Variants in ARHGAP15 observed in about 807,000 individuals in gnomAD.
ARHGAP15 encodes rho GTPase-activating protein 15.
In ARHGAP15, 51 loss-of-function variants were observed where a neutral mutation model predicts 63.7. The ratio of observed to expected loss-of-function variants is 0.80; its 90% confidence interval spans 0.64 to 1.01. The LOEUF (loss-of-function observed/expected upper bound fraction) is 1.01, where lower values mean the gene tolerates loss of function less well. Among genes scored for constraint, ARHGAP15 ranks in the 50% least tolerant of loss-of-function variants. The pLI is 0.00. For synonymous variants in ARHGAP15, 191 were observed against 193.8 expected (o/e 0.99, Z 0.12); for missense variants, 560 against 564.6 (o/e 0.99, Z 0.08).
At chr2:143,326,665 T>C (rs1574279221) in intron 6 of ARHGAP15, among the ~76,000 whole-genome samples, 1 of 152,168 alleles carries the variant, frequency 6.6e-6, no homozygotes, top group African/African-American at 2.4e-5. Flanking sequence ...TATTTCTGAG[T>C]GTATGCATTC....
chr2:143,436,975 C>T lies in ARHGAP15; in HGVS notation c.636C>T (p.Ser212=). 1 of 1,611,326 alleles carries T rather than the reference C, an allele frequency of 6.2e-7. No homozygotes were observed. The highest frequency in any genetic ancestry group is 8.5e-7 in the Non-Finnish European group (1 of 1,179,066). The change falls in exon 8 of 14, where the codon AGC becomes AGT. Residue 212 remains serine, a synonymous_variant. Coordinates refer to ENST00000295095, the MANE Select transcript of ARHGAP15 (RefSeq NM_018460.4). ...LELFKIQRSS[S]TELLSHYDSD... Reference sequence around the variant, plus strand: ...TATTCAAAATCCAAAGATCCTCTAGCACTGAATTGCTAAGTCACTACGACA... The same window carrying T: ...TATTCAAAATCCAAAGATCCTCTAGTACTGAATTGCTAAGTCACTACGACA...
intron 12 of ARHGAP15, among the ~76,000 whole-genome samples, chr2:143,685,043 A>AGGG (rs1376189136): frequency 6.6e-6 from 1 of 152,126 alleles, no homozygotes; most frequent in South Asian, 2.1e-4. Context: ...AATAAAAGTG[A>AGGG]GGGGGGCACT....
chr2:143,514,988 T>A (rs1301256737), intron 9 of ARHGAP15, among the ~76,000 whole-genome samples: 4 of 152,060 alleles, frequency 2.6e-5, no homozygotes, highest in African/African-American at 9.7e-5. Flanking sequence ...CACTGCACAC[T>A]CTATTGGGTG....
chr2:143,339,926 G>A (rs1558905239), intron 6 of ARHGAP15, among the ~76,000 whole-genome samples: 1 of 152,060 alleles, frequency 6.6e-6, no homozygotes, highest in Non-Finnish European at 1.5e-5. Context: ...TTTGTAGATG[G>A]CCCATAAATC....
rs545060573 is a variant in ARHGAP15 at position 143,522,562 on chromosome 2, T to C, written c.925+3198T>C. ...AAAAGCATGAGATCATCTGACACTATTTTGGAGGTTTGAGGAAACAAGCAT... is the reference window on the plus strand; with the variant it reads ...AAAAGCATGAGATCATCTGACACTACTTTGGAGGTTTGAGGAAACAAGCAT... On this transcript the variant is annotated intron_variant, in intron 10 of 13. Transcript: ENST00000295095. 4.6e-5 allele frequency among the ~76,000 whole-genome samples: 7 copies of C among 152,266 alleles called. No individual in the cohort carries two copies. The East Asian group carries it at 9.6e-4, about 21-fold the overall frequency.
intron 8 of ARHGAP15, among the ~76,000 whole-genome samples, chr2:143,459,227 A>G (rs1217099485): frequency 2.0e-5 from 3 of 152,260 alleles, no homozygotes; most frequent in African/African-American, 4.8e-5. Flanking sequence ...TTGAGTAGCT[A>G]ATGAAAAAGA....
chr2:143,232,825 G>A (rs535899209), intron 5 of ARHGAP15, among the ~76,000 whole-genome samples: 3 of 152,212 alleles, frequency 2.0e-5, no homozygotes, highest in Admixed American at 1.3e-4. Context: ...GAATCCTAGT[G>A]TATGTTTCTT....
chr2:143,602,450 G>A (rs1002435389), intron 11 of ARHGAP15, among the ~76,000 whole-genome samples: 3 of 152,178 alleles, frequency 2.0e-5, no homozygotes, highest in Non-Finnish European at 2.9e-5. Flanking sequence ...GCAAGGAGGG[G>A]AGGACAGGAG....
intron 6 of ARHGAP15, among the ~76,000 whole-genome samples, chr2:143,322,390 G>A (rs953013619): frequency 2.0e-5 from 3 of 152,140 alleles, no homozygotes; most frequent in South Asian, 2.1e-4. Context: ...ATCAGAGAGT[G>A]GGCTACCTTC....
chr2:143,754,946 G>T (rs1371775050), intron 13 of ARHGAP15, among the ~76,000 whole-genome samples: 1 of 152,142 alleles, frequency 6.6e-6, no homozygotes, highest in East Asian at 1.9e-4. Flanking sequence ...CTGCTTTTCT[G>T]CATCACCCCT....
intron 9 of ARHGAP15, among the ~76,000 whole-genome samples, chr2:143,490,328 T>A (rs940463086): frequency 1.3e-5 from 2 of 152,112 alleles, no homozygotes; most frequent in African/African-American, 4.8e-5. Context: ...GTGTTTATTC[T>A]TTCACGTAAT....
intron 8 of ARHGAP15, among the ~76,000 whole-genome samples, chr2:143,481,642 T>G (rs1191963171): frequency 6.6e-6 from 1 of 152,160 alleles, no homozygotes; most frequent in African/African-American, 2.4e-5. Flanking sequence ...GAGGGCATTG[T>G]TTCCCCTTCC....
At chr2:143,540,960 C>A (rs1695020177) in intron 10 of ARHGAP15, among the ~76,000 whole-genome samples, 1 of 152,178 alleles carries the variant, frequency 6.6e-6, no homozygotes, top group Admixed American at 6.5e-5. Context: ...TGGATAATAT[C>A]CTGCAGAGTG....
chr2:143,677,769 T>C (rs963834412), intron 12 of ARHGAP15, among the ~76,000 whole-genome samples: 4 of 152,114 alleles, frequency 2.6e-5, no homozygotes, highest in African/African-American at 9.7e-5. Flanking sequence ...AGCTAAGAAA[T>C]CTTAAAACTC....
intron 6 of ARHGAP15, among the ~76,000 whole-genome samples, chr2:143,386,161 C>G (rs1481544295): frequency 6.6e-6 from 1 of 152,028 alleles, no homozygotes; most frequent in Non-Finnish European, 1.5e-5. Flanking sequence ...ATATTACAGC[C>G]TGATACCACT....
chr2:143,521,555 AG>A (rs1694062182), intron 10 of ARHGAP15, among the ~76,000 whole-genome samples: 1 of 152,164 alleles, frequency 6.6e-6, no homozygotes, highest in Non-Finnish European at 1.5e-5. Context: ...AAAGGCGCCA[AG>A]TCTCTCAGCA....
At chr2:143,465,615 A>C (rs947392299) in intron 8 of ARHGAP15, among the ~76,000 whole-genome samples, 9 of 152,174 alleles carry the variant, frequency 5.9e-5, no homozygotes, top group African/African-American at 1.9e-4. Context: ...TTAGAAATCC[A>C]AATGCTAATA....
intron 8 of ARHGAP15, among the ~76,000 whole-genome samples, chr2:143,468,866 A>T (rs1691378848): frequency 6.6e-6 from 1 of 152,158 alleles, no homozygotes; most frequent in Non-Finnish European, 1.5e-5. Context: ...CCTCAAATTG[A>T]ACAAAACCAG....
intron 8 of ARHGAP15, among the ~76,000 whole-genome samples, chr2:143,466,158 A>T (rs535170545): frequency 4.5e-4 from 69 of 152,020 alleles, no homozygotes; most frequent in African/African-American, 1.4e-3. Context: ...AGTCCAGAAG[A>T]GAAGTTTTAT....
Sources: gnomAD v4.1 joint callset for allele counts (sites outside exome capture counted in the v4.1 genomes callset) on GRCh38, gnomAD v4.1.1 for gene constraint, MANE v1.5 for transcripts, NCBI Gene and HGNC (gene_info 2026-07-23, HGNC 2026-07-21) for gene names.